CDH12: variants seen among roughly 807,000 people sequenced by gnomAD.
CDH12 encodes the protein cadherin-12.
In CDH12, 41 loss-of-function variants were observed where a neutral mutation model predicts 74.1. The observed-to-expected ratio is 0.55, with a 90% CI of 0.43 to 0.72. The LOEUF is 0.72. Among genes scored for constraint, CDH12 ranks in the 30% least tolerant of loss-of-function variants. CDH12 has a pLI of 0.00. For synonymous variants in CDH12, 399 were observed against 355.0 expected (o/e 1.12, Z -1.39); for missense variants, 945 against 977.2 (o/e 0.97, Z 0.44).
intron 1 of CDH12, among the ~76,000 whole-genome samples, chr5:22,723,762 CTT>C (rs1443677781): frequency 6.6e-6 from 1 of 151,972 alleles, no homozygotes; most frequent in Non-Finnish European, 1.5e-5. Context: ...AAGGAGGTAA[CTT>C]AATATTTAAC....
At chr5:22,120,866 C>G (rs1745471274) in intron 4 of CDH12, among the ~76,000 whole-genome samples, 1 of 152,062 alleles carries the variant, frequency 6.6e-6, no homozygotes. Flanking sequence ...TTTTAAAAAT[C>G]AAATTTAATA....
intron 4 of CDH12, 104 bp downstream of exon 4, chr5:22,212,394 C>G (rs1042327394): frequency 8.1e-6 from 3 of 372,532 alleles, no homozygotes; most frequent in Non-Finnish European, 1.1e-5. Context: ...TAAGCTTTTC[C>G]TGACACAGTC....
chr5:22,255,263 A>T (rs1271751966), intron 3 of CDH12, among the ~76,000 whole-genome samples: 10 of 147,714 alleles, frequency 6.8e-5, no homozygotes, highest in African/African-American at 2.2e-4. Flanking sequence ...AGTATTTGTG[A>T]TTTTTTTTTT....
At chr5:22,470,014 C>T (rs540718687) in intron 2 of CDH12, among the ~76,000 whole-genome samples, 7 of 152,094 alleles carry the variant, frequency 4.6e-5, no homozygotes, top group African/African-American at 1.7e-4. Context: ...ACTCTTAAGA[C>T]AAGAAAATGA....
At chr5:22,324,810 A>G (rs890627063) in intron 3 of CDH12, among the ~76,000 whole-genome samples, 1 of 152,158 alleles carries the variant, frequency 6.6e-6, no homozygotes, top group Admixed American at 6.6e-5. Flanking sequence ...TCTTTATTCT[A>G]AATCTGAAAC....
rs368971732 is a variant in CDH12 at position 22,296,800 on chromosome 5, GTT to G, written c.-332-84159_-332-84158del. On this transcript the variant is annotated intron_variant, in intron 3 of 14. Coordinates refer to ENST00000382254, the MANE Select transcript of CDH12 (RefSeq NM_004061.5). ...CAGTAAAACCTTTCTAAGCAATAAA[GTT>G]TTGCTGCTTTGCTCAATAAACAATT... is the stretch of plus-strand genomic sequence containing the variant. Among the ~76,000 whole-genome samples the G allele has an allele frequency of 3.9e-5, 6 of 152,196 alleles. 1 individual carries two copies. Among genetic ancestry groups the G allele is most frequent in the African/African-American group, 1.2e-4 (5 of 41,530 alleles).
intron 3 of CDH12, among the ~76,000 whole-genome samples, chr5:22,239,946 T>C (rs1752690198): frequency 1.3e-5 from 2 of 152,218 alleles, no homozygotes; most frequent in Admixed American, 1.3e-4. Flanking sequence ...CTGCAGCATA[T>C]CAAAACATCT....
At chr5:22,305,212 T>A (rs1738053337) in intron 3 of CDH12, among the ~76,000 whole-genome samples, 1 of 152,170 alleles carries the variant, frequency 6.6e-6, no homozygotes, top group African/African-American at 2.4e-5. Flanking sequence ...TATCCTTCCA[T>A]CTGCAGGAGA....
At chr5:21,771,755 C>T (rs1422142497) in intron 11 of CDH12, among the ~76,000 whole-genome samples, 3 of 152,090 alleles carry the variant, frequency 2.0e-5, no homozygotes, top group African/African-American at 4.8e-5. Context: ...AGAAAGAAAA[C>T]GATGTACAGA....
At chr5:22,185,228 C>T (rs1187484186) in intron 4 of CDH12, among the ~76,000 whole-genome samples, 4 of 124,864 alleles carry the variant, frequency 3.2e-5, no homozygotes, top group African/African-American at 9.2e-5. Context: ...GAAGGAGTTT[C>T]ACTTTTGTTG....
chr5:22,297,053 C>T (rs1001875420), intron 3 of CDH12, among the ~76,000 whole-genome samples: 3 of 151,744 alleles, frequency 2.0e-5, no homozygotes, highest in African/African-American at 7.3e-5. Flanking sequence ...CGGAGTTTTG[C>T]TCTTGTTGCC....
Position 22,813,118 on chromosome 5 carries a change from C to G in CDH12, c.-523+39940G>C, listed in dbSNP as rs146493010. Reference sequence around the variant, plus strand: ...CAGGTTGAGGAAAAAGATCTCACGACCTACTGAAAAAAAATTTGTATAAGA... The same window carrying G: ...CAGGTTGAGGAAAAAGATCTCACGAGCTACTGAAAAAAAATTTGTATAAGA... On this transcript the variant is annotated intron_variant, in intron 1 of 14. Transcript: ENST00000382254. Among the ~76,000 whole-genome samples the G allele has an allele frequency of 3.4e-3, 518 of 152,092 alleles. 5 individuals carry two copies. Among genetic ancestry groups the G allele is most frequent in the African/African-American group, 0.012 (502 of 41,484 alleles).
intron 2 of CDH12, among the ~76,000 whole-genome samples, chr5:22,468,193 A>G (rs192605858): frequency 8.5e-5 from 13 of 152,324 alleles, no homozygotes; most frequent in African/African-American, 2.9e-4. Context: ...AACTAAAGTA[A>G]TTGGTATCTA....
At position 22,460,713 on chromosome 5, in the gene CDH12, A is replaced by ATTTTTTTTTTTTTTTT. The variant is rs3039460; in HGVS notation, c.-428+44541_-428+44556dup. On this transcript the variant is annotated intron_variant, in intron 2 of 14. Coordinates refer to ENST00000382254, the MANE Select transcript of CDH12 (RefSeq NM_004061.5). Reference sequence around the variant, plus strand: ...AGAGAACAGTTGATGATATCTAGCAATTTTTTTTTTTTTTTTTTTTTTTTT... The same window carrying ATTTTTTTTTTTTTTTT: ...AGAGAACAGTTGATGATATCTAGCAATTTTTTTTTTTTTTTTTTTTTTTTTTTTTTTTTTTTTTTTT... Among the ~76,000 whole-genome samples the ATTTTTTTTTTTTTTTT allele has an allele frequency of 2.5e-4, 21 of 85,608 alleles. 4 individuals are homozygous for ATTTTTTTTTTTTTTTT. The highest frequency in any genetic ancestry group is 9.6e-4 in the African/African-American group (19 of 19,772). The allele number at this position is 85,608 out of a possible 152,430, so 56.2% of individuals were successfully genotyped here.
intron 3 of CDH12, among the ~76,000 whole-genome samples, chr5:22,372,899 G>A (rs1431051174): frequency 6.6e-6 from 1 of 152,046 alleles, no homozygotes; most frequent in Non-Finnish European, 1.5e-5. Context: ...CACTTCCATG[G>A]GCTGCTGTGG....
chr5:22,644,381 G>A (rs1365540600), intron 1 of CDH12, among the ~76,000 whole-genome samples: 1 of 152,056 alleles, frequency 6.6e-6, no homozygotes, highest in Non-Finnish European at 1.5e-5. Context: ...AAAAATTTCA[G>A]TGAGTTAGAT....
At chr5:22,116,995 A>C in intron 4 of CDH12, among the ~76,000 whole-genome samples, 1 of 150,782 alleles carries the variant, frequency 6.6e-6, no homozygotes, top group East Asian at 2.0e-4. Context: ...TTCTTGGTCA[A>C]GAAATGAATG....
At chr5:22,216,468 G>A (rs1319914035) in intron 3 of CDH12, among the ~76,000 whole-genome samples, 1 of 151,898 alleles carries the variant, frequency 6.6e-6, no homozygotes, top group Non-Finnish European at 1.5e-5. Flanking sequence ...ACCACTGTTT[G>A]TGATGGTTTA....
At chr5:22,326,984 T>G (rs1203343124) in intron 3 of CDH12, among the ~76,000 whole-genome samples, 2 of 152,240 alleles carry the variant, frequency 1.3e-5, no homozygotes, top group African/African-American at 2.4e-5. Flanking sequence ...TTTCATTTTC[T>G]AATTAGTAGA....
Sources: allele counts gnomAD v4.1 joint callset (sites outside exome capture counted in the v4.1 genomes callset), GRCh38; gene constraint gnomAD v4.1.1; transcripts MANE v1.5; gene names NCBI Gene and HGNC (gene_info 2026-07-23, HGNC 2026-07-21).